ENOX1: variants seen among roughly 807,000 people sequenced by gnomAD.
ENOX1 encodes ecto-NOX disulfide-thiol exchanger 1, also known as candidate growth-related and time keeping constitutive hydroquinone (NADH) oxidase.
In ENOX1, 42 loss-of-function variants were observed where a neutral mutation model predicts 82.5. That is an observed-to-expected ratio of 0.51 (90% CI 0.40 to 0.66). The LOEUF is 0.66. Ranked by LOEUF, ENOX1 falls within the 30% of genes least tolerant of loss-of-function variation. The probability of loss-of-function intolerance (pLI) is 0.00; values close to 1 mark genes in which losing one functional copy is unlikely to be tolerated. For synonymous variants in ENOX1, 271 were observed against 282.2 expected (o/e 0.96, Z 0.40); for missense variants, 608 against 811.6 (o/e 0.75, Z 3.05).
chr13:43,406,526 T>A, intron 5 of ENOX1, among the ~76,000 whole-genome samples: 1 of 146,064 alleles, frequency 6.8e-6, no homozygotes, highest in African/African-American at 2.5e-5. Flanking sequence ...AGAGTCTCAC[T>A]CTGTCACCCA....
intron 1 of ENOX1, among the ~76,000 whole-genome samples, chr13:43,723,492 T>A (rs140823213): frequency 6.6e-6 from 1 of 152,184 alleles, no homozygotes; most frequent in African/African-American, 2.4e-5. Flanking sequence ...AAATTAAGAA[T>A]TGGAAGACAG....
chr13:43,760,262 T>C (rs528030680), intron 1 of ENOX1, among the ~76,000 whole-genome samples: 1 of 152,366 alleles, frequency 6.6e-6, no homozygotes, highest in East Asian at 1.9e-4. Context: ...TTATTTAACA[T>C]TTCTAAAACC....
chr13:43,335,288 A>G lies in ENOX1; in HGVS notation c.1037-8763T>C, dbSNP rs1282470156. Among the ~76,000 whole-genome samples, 28 of 152,198 alleles carry G rather than the reference A, an allele frequency of 1.8e-4. 1 individual carries two copies. The highest frequency in any genetic ancestry group is 2.9e-5 in the Non-Finnish European group (2 of 68,032). ...AGGTACAATTTTCTTTGGTTGGAAA[A>G]CAAACACTAAGTTGTACTTCTCTTT... On this transcript the variant is annotated intron_variant, in intron 9 of 16. Coordinates refer to ENST00000690772, the MANE Select transcript of ENOX1 (RefSeq NM_001347969.2).
intron 5 of ENOX1, among the ~76,000 whole-genome samples, chr13:43,362,890 T>TA (rs1161417795): frequency 6.6e-6 from 1 of 152,002 alleles, no homozygotes; most frequent in Admixed American, 6.5e-5. Flanking sequence ...TTTCATAGTG[T>TA]ATCAGTGTGA....
chr13:43,456,334 T>C (rs1374342549), intron 3 of ENOX1, among the ~76,000 whole-genome samples: 2 of 152,028 alleles, frequency 1.3e-5, no homozygotes, highest in Non-Finnish European at 2.9e-5. Context: ...TTAAGAAATA[T>C]ATATGTTTAT....
intron 11 of ENOX1, among the ~76,000 whole-genome samples, chr13:43,320,246 C>T (rs915810079): frequency 2.0e-5 from 3 of 152,220 alleles, no homozygotes; most frequent in Non-Finnish European, 4.4e-5. Context: ...TGGTCCATCT[C>T]GTTTTGAAAA....
intron 2 of ENOX1, among the ~76,000 whole-genome samples, chr13:43,603,406 C>CTT (rs1285374175): frequency 6.7e-5 from 10 of 149,762 alleles, no homozygotes; most frequent in African/African-American, 2.5e-4. Flanking sequence ...TATTATTATA[C>CTT]TTTAAGTTTT....
chr13:43,543,801 T>C (rs751765785), intron 2 of ENOX1: 4 of 148,836 alleles, frequency 2.7e-5, no homozygotes, highest in East Asian at 3.9e-4. Context: ...TTAAAGATTA[T>C]GAAAATCATC....
intron 3 of ENOX1, among the ~76,000 whole-genome samples, chr13:43,448,326 T>C (rs60756627): frequency 0.01 from 1,548 of 152,372 alleles, 25 homozygotes; most frequent in African/African-American, 0.035. Context: ...AATAGGACTT[T>C]GTTTAAGCTT....
At chr13:43,535,213 G>T (rs1039085518) in intron 2 of ENOX1, among the ~76,000 whole-genome samples, 2 of 152,144 alleles carry the variant, frequency 1.3e-5, no homozygotes, top group African/African-American at 4.8e-5. Context: ...TATCATGAAA[G>T]ACTTAATAAC....
chr13:43,608,730 T>C (rs1391639775), intron 2 of ENOX1, among the ~76,000 whole-genome samples: 3 of 152,132 alleles, frequency 2.0e-5, no homozygotes, highest in African/African-American at 7.2e-5. Flanking sequence ...TTTCCTCCCA[T>C]CCTATATATG....
At chr13:43,598,800 T>TA (rs1382352915) in intron 2 of ENOX1, among the ~76,000 whole-genome samples, 1 of 9,414 alleles carries the variant, frequency 1.1e-4, no homozygotes, top group Non-Finnish European at 1.7e-3. Context: ...GTTTAGAAAG[T>TA]AAAAATTTTT....
intron 5 of ENOX1, among the ~76,000 whole-genome samples, chr13:43,382,906 T>C: frequency 6.6e-6 from 1 of 152,198 alleles, no homozygotes; most frequent in South Asian, 2.1e-4. Context: ...AGGGAATGCA[T>C]GATAGGAGGG....
chr13:43,533,061 A>G (rs1279415073), intron 2 of ENOX1, among the ~76,000 whole-genome samples: 2 of 152,116 alleles, frequency 1.3e-5, no homozygotes, highest in African/African-American at 2.4e-5. Flanking sequence ...AAGCACAGTG[A>G]TCTTTTTCAT....
intron 1 of ENOX1, among the ~76,000 whole-genome samples, chr13:43,757,329 CA>C (rs1950710582): frequency 1.3e-5 from 2 of 152,114 alleles, no homozygotes; most frequent in South Asian, 2.1e-4. Flanking sequence ...AAACAGGATA[CA>C]GGGGGAGTGA....
At chr13:43,308,396 C>T (rs2046990457) in intron 11 of ENOX1, among the ~76,000 whole-genome samples, 1 of 152,170 alleles carries the variant, frequency 6.6e-6, no homozygotes, top group East Asian at 1.9e-4. Flanking sequence ...TACTTTACCT[C>T]ACCTCAACCC....
Position 43,284,953 on chromosome 13 carries a change from CAGAG to C in ENOX1, c.1446+13389_1446+13392del, listed in dbSNP as rs532366929. Among the ~76,000 whole-genome samples the C allele has an allele frequency of 1.2e-4, 18 of 152,038 alleles. 1 individual carries two copies. Among genetic ancestry groups the C allele is most frequent in the Admixed American group, 1.1e-3 (17 of 15,244 alleles). Reference sequence around the variant, plus strand: ...ATGTAGAGAAGGAGAGTCAGAGACACAGAGAGAAGAAACAGAAAGTACAAAAACC... The same window carrying C: ...ATGTAGAGAAGGAGAGTCAGAGACACAGAAGAAACAGAAAGTACAAAAACC... On this transcript the variant is annotated intron_variant, in intron 12 of 16. Coordinates refer to ENST00000690772, the MANE Select transcript of ENOX1 (RefSeq NM_001347969.2).
At chr13:43,685,828 A>G (rs299349) in intron 1 of ENOX1, among the ~76,000 whole-genome samples, 150,588 of 151,342 alleles carry the variant, frequency 1, 74,923 homozygotes, top group East Asian at 1. Context: ...AGCCCTCCTC[A>G]AGAATCTAAC....
chr13:43,458,361 A>T (rs1054405998), intron 3 of ENOX1: 2 of 152,238 alleles, frequency 1.3e-5, no homozygotes, highest in African/African-American at 4.8e-5. Flanking sequence ...AATTAAAAAA[A>T]GCTATTCAAG....
Sources: gnomAD v4.1 joint callset for allele counts (sites outside exome capture counted in the v4.1 genomes callset) on GRCh38, gnomAD v4.1.1 for gene constraint, MANE v1.5 for transcripts, NCBI Gene and HGNC (gene_info 2026-07-23, HGNC 2026-07-21) for gene names.